Variants in ALOX15B observed in about 807,000 individuals in gnomAD.
The protein encoded by ALOX15B is polyunsaturated fatty acid lipoxygenase ALOX15B.
Under a neutral mutation model 73.8 loss-of-function variants are expected in ALOX15B, and 74 were observed. The observed-to-expected ratio is 1.00, with a 90% CI of 0.83 to 1.22. The LOEUF is 1.22. ALOX15B is among the 50% of genes most tolerant of loss of function. The pLI is 0.00. For missense variants in ALOX15B, 896 were observed against 859.9 expected (o/e 1.04, Z -0.52); for synonymous variants, 353 against 357.2 (o/e 0.99, Z 0.13).
chr17:8,041,990 G>A (rs1461673726), intron 3 of ALOX15B, among the ~76,000 whole-genome samples: 1 of 152,198 alleles, frequency 6.6e-6, no homozygotes, highest in Non-Finnish European at 1.5e-5. Context: ...ACACAGGCAG[G>A]AATTGTCCAC....
rs200284741 is a variant in ALOX15B, at chr17:8,048,545, G to C, written c.2011G>C (p.Glu671Gln). Residue 671 changes from glutamate to glutamine, a missense_variant, in exon 14 of 14, where the codon GAG (glutamate) becomes CAG (glutamine). Coordinates refer to ENST00000380183, the MANE Select transcript of ALOX15B (RefSeq NM_001141.3). ...CACCTACCTAGACCCTCCCCTCATCGAGAACAGCGTCTCCATCTAAATCCC... is the reference window on the plus strand; with the variant it reads ...CACCTACCTAGACCCTCCCCTCATCCAGAACAGCGTCTCCATCTAAATCCC... Reference protein sequence around the residue: ...PYTYLDPPLIENSVSI With the variant: ...PYTYLDPPLIQNSVSI 424 of 1,613,722 alleles carry C rather than the reference G, an allele frequency of 2.6e-4. 2 individuals are homozygous for C. In the East Asian group the frequency reaches 6.2e-3, roughly 23 times the overall value.
Position 8,047,672 on chromosome 17 carries a change from A to C in ALOX15B, c.1680+8A>C, listed in dbSNP as rs780119571. 6.2e-7 allele frequency: 1 copy of C among 1,612,982 alleles called. No individual in the cohort carries two copies. Among genetic ancestry groups the C allele is most frequent in the East Asian group, 2.2e-5 (1 of 44,862 alleles). ...GCTGTCAGTGCAGGGCAGGTGAGGA[A>C]AGGCCAGCGCCCGAGGTGGCAGGCT... On this transcript the variant is annotated splice_region_variant and intron_variant, in intron 12 of 13. Transcript: ENST00000380183.
chr17:8,047,145 C>A, intron 10 of ALOX15B, 69 bp downstream of exon 10: 1 of 1,607,710 alleles, frequency 6.2e-7, no homozygotes, highest in African/African-American at 1.3e-5. Flanking sequence ...GAGACTGAGG[C>A]CCCAGGGAGG....
In ALOX15B at chr17:8,046,702, T is replaced by C. The variant is rs756016046; in HGVS notation, c.1235T>C (p.Ile412Thr). ...CCGCACACCCGATACACCCTGCACATCAACACACTCGCCCGGGAGCTGCTT... is the reference window on the plus strand; with the variant it reads ...CCGCACACCCGATACACCCTGCACACCAACACACTCGCCCGGGAGCTGCTT... ...LIPHTRYTLH[I>T]NTLARELLIV... Residue 412 changes from isoleucine to threonine, a missense_variant, in exon 9 of 14, where the codon ATC (isoleucine) becomes ACC (threonine). Ile to Thr is a moderately conservative substitution (Grantham distance 89). Transcript: ENST00000380183. 4.3e-6 allele frequency: 7 copies of C among 1,613,876 alleles called. No homozygotes were observed. Among genetic ancestry groups the C allele is most frequent in the Non-Finnish European group, 5.9e-6 (7 of 1,179,964 alleles).
Position 8,048,556 on chromosome 17 carries a change from C to G in ALOX15B, c.2022C>G (p.Val674=). The G allele has an allele frequency of 6.2e-7, 1 of 1,613,526 alleles. No homozygotes were observed. Residue 674 remains valine (V), a synonymous_variant, in exon 14 of 14, where the codon GTC becomes GTG. Coordinates refer to ENST00000380183, the MANE Select transcript of ALOX15B (RefSeq NM_001141.3). ...YLDPPLIENS[V]SI is the part of the protein sequence containing the mutation. ...ACCCTCCCCTCATCGAGAACAGCGT[C>G]TCCATCTAAATCCCAGGGGAACACA...
At chr17:8,048,296 C>A (rs1976666856) in intron 13 of ALOX15B, 90 bp from the exon 14 acceptor site, 2 of 1,476,978 alleles carry the variant, frequency 1.4e-6, no homozygotes, top group Non-Finnish European at 1.8e-6. Context: ...CTGGCTAAGG[C>A]AAGTTGCAGC....
Position 8,047,394 on chromosome 17 carries a change from G to C in ALOX15B, c.1579+15G>C. 1 of 1,613,304 alleles carries C rather than the reference G, an allele frequency of 6.2e-7. No homozygotes were observed. Among genetic ancestry groups the C allele is most frequent in the Non-Finnish European group, 8.5e-7 (1 of 1,179,806 alleles). On this transcript the variant is annotated intron_variant, in intron 11 of 13. Coordinates refer to ENST00000380183, the MANE Select transcript of ALOX15B (RefSeq NM_001141.3). ...GGAGAGCTCAGGTACAGGGACCTCA[G>C]CCCTCAGGCGCATTTGAGTGAGCCC...
intron 5 of ALOX15B, 64 bp from the exon 6 acceptor site, chr17:8,044,765 T>TGCCCCC: frequency 1.2e-6 from 1 of 803,180 alleles, no homozygotes; most frequent in Non-Finnish European, 1.9e-6. Context: ...CGTCCCCGTG[T>TGCCCCC]CCCCCACCCC....
chr17:8,039,781 A>T (rs1976384970), intron 2 of ALOX15B, 121 bp from the exon 3 acceptor site: 1 of 1,225,856 alleles, frequency 8.2e-7, no homozygotes, highest in Non-Finnish European at 1.2e-6. Context: ...CTGGTGTAGG[A>T]GAAACTGTAC....
rs1277542839 is a variant in ALOX15B, at chr17:8,047,885, C to T, written c.1821C>T (p.Leu607=). ...VNATCDVILA[L]WLLSKEPGDQ... is the part of the protein sequence containing the mutation. Reference sequence around the variant, plus strand: ...CCACATGTGATGTCATCCTTGCTCTCTGGTTGCTGAGCAAGGAGCCTGGAG... The same window carrying T: ...CCACATGTGATGTCATCCTTGCTCTTTGGTTGCTGAGCAAGGAGCCTGGAG... Residue 607 remains leucine, a synonymous_variant, in exon 13 of 14, where the codon CTC becomes CTT. Coordinates refer to ENST00000380183, the MANE Select transcript of ALOX15B (RefSeq NM_001141.3). 6.2e-7 allele frequency: 1 copy of T among 1,614,162 alleles called. No homozygotes were observed. The highest frequency in any genetic ancestry group is 1.7e-5 in the Admixed American group (1 of 60,018).
Position 8,042,870 on chromosome 17 carries a change from G to A in ALOX15B, c.662G>A (p.Arg221Lys). The stretch of plus-strand genomic sequence containing the variant: ...ATGAAAAGGATCTTCAACTTCCGGA[G>A]GACCCCAGCAGCTGGTGAGGAGCTT... ...NEMKRIFNFR[R>K]TPAAEHAFEH... The change falls in exon 5 of 14, where the codon AGG (arginine) becomes AAG (lysine). Residue 221 changes from arginine (R) to lysine (K), a missense_variant. Physicochemically the swap from Arg to Lys is conservative, Grantham distance 26. Coordinates refer to ENST00000380183, the MANE Select transcript of ALOX15B (RefSeq NM_001141.3). 1 of 1,552,772 alleles carries A rather than the reference G, an allele frequency of 6.4e-7. No homozygotes were observed. Among genetic ancestry groups the A allele is most frequent in the South Asian group, 1.2e-5 (1 of 84,108 alleles).
rs1976365626 is a variant in ALOX15B at position 8,039,415 on chromosome 17, G to GTGCTGCC, written c.177_178insTGCTGCC (p.Asp60CysfsTer107). On this transcript the variant is annotated frameshift_variant, in exon 2 of 14. Transcript: ENST00000380183. LOFTEE classifies it high-confidence loss of function. ...AGGACTTCCAGGTGACGCTCCCGGA[G>GTGCTGCC]GACGTAGGCCGAGTGCTGCTGCTGC... is the stretch of plus-strand genomic sequence containing the variant. 1 of 1,613,074 alleles carries GTGCTGCC rather than the reference G, an allele frequency of 6.2e-7. No homozygotes were observed. Among genetic ancestry groups the GTGCTGCC allele is most frequent in the Admixed American group, 1.7e-5 (1 of 59,926 alleles).
chr17:8,043,032 G>A (rs1051816101), intron 5 of ALOX15B, 148 bp downstream of exon 5: 2 of 650,380 alleles, frequency 3.1e-6, no homozygotes, highest in Non-Finnish European at 5.3e-6. Flanking sequence ...AGAGACAAAA[G>A]AGAATATGGA....
At chr17:8,048,056 C>T in intron 13 of ALOX15B, 141 bp downstream of exon 13, 3 of 1,049,676 alleles carry the variant, frequency 2.9e-6, no homozygotes, top group Non-Finnish European at 2.7e-6. Flanking sequence ...ACACATGAGC[C>T]TTGGACATTT....
At chr17:8,040,060 G>A in intron 3 of ALOX15B, 77 bp downstream of exon 3, 1 of 1,394,274 alleles carries the variant, frequency 7.2e-7, no homozygotes, top group South Asian at 1.2e-5. Flanking sequence ...TCATGACAGA[G>A]ATTAAAAGCC....
At chr17:8,048,316 A>G in intron 13 of ALOX15B, 70 bp from the exon 14 acceptor site, 1 of 1,530,218 alleles carries the variant, frequency 6.5e-7, no homozygotes, top group East Asian at 2.3e-5. Context: ...CTGCTCAGAT[A>G]GTGGGGACCA....
intron 10 of ALOX15B, 39 bp from the exon 11 acceptor site, chr17:8,047,219 C>G: frequency 6.2e-7 from 1 of 1,612,940 alleles, no homozygotes; most frequent in South Asian, 1.1e-5. Flanking sequence ...CAGAGCGGGT[C>G]GGGGTTGGAG....
intron 10 of ALOX15B, 81 bp from the exon 11 acceptor site, chr17:8,047,177 A>T: frequency 6.2e-7 from 1 of 1,607,530 alleles, no homozygotes; most frequent in Non-Finnish European, 8.5e-7. Flanking sequence ...GAGGAGGGCC[A>T]GACATTCATG....
chr17:8,044,419 G>A (rs76638416), intron 5 of ALOX15B, among the ~76,000 whole-genome samples: 1,429 of 122,624 alleles, frequency 0.012, 22 homozygotes, highest in African/African-American at 0.04. Context: ...GACACAGCCT[G>A]TCTCAAAAAA....
Sources: gnomAD v4.1 joint callset for allele counts (sites outside exome capture counted in the v4.1 genomes callset) on GRCh38, gnomAD v4.1.1 for gene constraint, MANE v1.5 for transcripts, NCBI Gene and HGNC (gene_info 2026-07-23, HGNC 2026-07-21) for gene names.